Variants in LGR4 observed in about 807,000 individuals in gnomAD.
The protein encoded by LGR4 is leucine-rich repeat-containing G protein-coupled receptor 4.
In LGR4, 44 loss-of-function variants were observed where a neutral mutation model predicts 84.8. That is an observed-to-expected ratio of 0.52 (90% CI 0.41 to 0.67). The LOEUF is 0.67. LGR4 is among the 30% of genes least tolerant of loss of function. LGR4 has a pLI of 0.00. For synonymous variants in LGR4, 429 were observed against 434.3 expected (o/e 0.99, Z 0.15); for missense variants, 1,032 against 1,131.4 (o/e 0.91, Z 1.26).
At chr11:27,435,400 G>A (rs1864190917) in intron 1 of LGR4, among the ~76,000 whole-genome samples, 1 of 151,898 alleles carries the variant, frequency 6.6e-6, no homozygotes, top group African/African-American at 2.4e-5. Context: ...ACTAGACAGA[G>A]TCTCTTAAAT....
At chr11:27,377,559 T>A (rs111587102) in intron 11 of LGR4, among the ~76,000 whole-genome samples, 1 of 151,770 alleles carries the variant, frequency 6.6e-6, no homozygotes, top group African/African-American at 2.4e-5. Context: ...TATATAAAAT[T>A]TAAGTGGTAA....
At chr11:27,409,604 G>C (rs1863672856) in intron 2 of LGR4, among the ~76,000 whole-genome samples, 1 of 152,030 alleles carries the variant, frequency 6.6e-6, no homozygotes, top group Admixed American at 6.6e-5. Context: ...AACTCCTTCA[G>C]AACAAGTCTA....
intron 1 of LGR4, among the ~76,000 whole-genome samples, chr11:27,431,035 TCAGA>T (rs1167052025): frequency 6.6e-6 from 1 of 152,122 alleles, no homozygotes; most frequent in Non-Finnish European, 1.5e-5. Context: ...TGTCACCCCT[TCAGA>T]CAGTCTCTTC....
intron 1 of LGR4, among the ~76,000 whole-genome samples, chr11:27,434,046 G>T (rs1335033933): frequency 6.6e-6 from 1 of 152,224 alleles, no homozygotes; most frequent in South Asian, 2.1e-4. Context: ...TGGGAAGATT[G>T]GAAAGCACCA....
intron 1 of LGR4, among the ~76,000 whole-genome samples, chr11:27,418,663 C>T (rs1863866539): frequency 6.6e-6 from 1 of 152,022 alleles, no homozygotes; most frequent in Non-Finnish European, 1.5e-5. Context: ...CTTGTAAAGT[C>T]ATTATCTATT....
chr11:27,448,295 C>T (rs200347066), intron 1 of LGR4, among the ~76,000 whole-genome samples: 3 of 142,658 alleles, frequency 2.1e-5, no homozygotes, highest in Non-Finnish European at 3.0e-5. Context: ...TTTTTCTTTT[C>T]TTTTTTTTTT....
intron 17 of LGR4, 48 bp from the exon 18 acceptor site, chr11:27,369,191 A>C: frequency 8.5e-6 from 12 of 1,407,380 alleles, no homozygotes; most frequent in Non-Finnish European, 9.5e-6. Context: ...TAACTTAGAA[A>C]ACAATTTAGA....
At chr11:27,404,284 C>T (rs1160897601) in intron 2 of LGR4, among the ~76,000 whole-genome samples, 1 of 152,172 alleles carries the variant, frequency 6.6e-6, no homozygotes, top group Non-Finnish European at 1.5e-5. Flanking sequence ...TACTAGTCTC[C>T]TATGAAGTCC....
At chr11:27,379,409 C>T (rs1369493614) in intron 10 of LGR4, among the ~76,000 whole-genome samples, 3 of 152,170 alleles carry the variant, frequency 2.0e-5, no homozygotes, top group Non-Finnish European at 4.4e-5. Flanking sequence ...ATTCCCACAG[C>T]CGCCTCACTG....
intron 1 of LGR4, among the ~76,000 whole-genome samples, chr11:27,469,478 T>C (rs1279037180): frequency 6.6e-6 from 1 of 152,160 alleles, no homozygotes; most frequent in Non-Finnish European, 1.5e-5. Flanking sequence ...GTGCCTCCTA[T>C]GTACCGGGCT....
intron 1 of LGR4, among the ~76,000 whole-genome samples, chr11:27,451,262 C>T (rs1005736966): frequency 6.6e-6 from 1 of 152,038 alleles, no homozygotes; most frequent in Non-Finnish European, 1.5e-5. Flanking sequence ...TGCTTCACAC[C>T]ACTATTTTAA....
At chr11:27,380,741 T>C (rs574546893) in intron 8 of LGR4, 30 bp from the exon 9 acceptor site, 1 of 1,454,656 alleles carries the variant, frequency 6.9e-7, no homozygotes, top group African/African-American at 1.4e-5. Flanking sequence ...AAGTAAAATT[T>C]TCATATGTTC....
At chr11:27,402,857 TAC>T (rs1170690786) in intron 2 of LGR4, among the ~76,000 whole-genome samples, 1 of 152,156 alleles carries the variant, frequency 6.6e-6, no homozygotes, top group Non-Finnish European at 1.5e-5. Context: ...GCAGCTCCAG[TAC>T]ACAGTCATCT....
chr11:27,461,971 G>A (rs1344312924), intron 1 of LGR4, among the ~76,000 whole-genome samples: 1 of 148,978 alleles, frequency 6.7e-6, no homozygotes, highest in Non-Finnish European at 1.5e-5. Context: ...CTGGATTACA[G>A]GTGCCCGTCG....
At chr11:27,447,136 TAACA>T (rs781713083) in intron 1 of LGR4, among the ~76,000 whole-genome samples, 2 of 152,102 alleles carry the variant, frequency 1.3e-5, no homozygotes, top group East Asian at 1.9e-4. Context: ...TATACATATG[TAACA>T]AACCTGCATG....
intron 2 of LGR4, among the ~76,000 whole-genome samples, chr11:27,394,007 G>GT (rs893685290): frequency 3.3e-5 from 5 of 151,202 alleles, no homozygotes; most frequent in African/African-American, 1.2e-4. Context: ...AACCAAAGGG[G>GT]TAAGTATGAA....
chr11:27,415,112 A>T (rs2133401786), intron 1 of LGR4, among the ~76,000 whole-genome samples: 1 of 152,312 alleles, frequency 6.6e-6, no homozygotes, highest in Non-Finnish European at 1.5e-5. Flanking sequence ...CAAGAATACA[A>T]CAAAACATTT....
intron 1 of LGR4, among the ~76,000 whole-genome samples, chr11:27,428,384 C>T (rs1864060176): frequency 1.3e-5 from 2 of 152,174 alleles, no homozygotes; most frequent in South Asian, 4.1e-4. Flanking sequence ...AGTGATCTGC[C>T]TGCCTCGGCC....
In LGR4 at chr11:27,376,354, G is replaced by T; in HGVS notation, c.1126C>A (p.Gln376Lys). 1 of 1,556,290 alleles carries T rather than the reference G, an allele frequency of 6.4e-7. No homozygotes were observed. The highest frequency in any genetic ancestry group is 1.1e-5 in the South Asian group (1 of 88,110). ...GTGCCTTCCTTTATTTGGTAGATTT[G>T]ATTACGCTGTAAAGAACTAAATAAA... ...ALEEISLQRN[Q>K]IYQIKEGTFQ... The change falls in exon 13 of 18, where the codon CAA becomes AAA. Residue 376 changes from glutamine to lysine, a missense_variant. By Grantham distance (53) the Gln-to-Lys change is moderately conservative. Coordinates refer to ENST00000379214, the MANE Select transcript of LGR4 (RefSeq NM_018490.5).
Sources: gnomAD v4.1 joint callset for allele counts (sites outside exome capture counted in the v4.1 genomes callset) on GRCh38, gnomAD v4.1.1 for gene constraint, MANE v1.5 for transcripts, NCBI Gene and HGNC (gene_info 2026-07-23, HGNC 2026-07-21) for gene names.